Variants in CYP39A1 observed in about 807,000 individuals in gnomAD.
CYP39A1 encodes the protein cytochrome P450 family 39 subfamily A member 1.
Under a neutral mutation model 58.1 loss-of-function variants are expected in CYP39A1, and 49 were observed. The ratio of observed to expected loss-of-function variants is 0.84; its 90% CI spans 0.67 to 1.07. CYP39A1 has a LOEUF of 1.07. Ranked by LOEUF, CYP39A1 falls within the 50% of genes least tolerant of loss-of-function variation. CYP39A1 has a pLI of 0.00. For missense variants in CYP39A1, 531 were observed against 539.4 expected (o/e 0.98, Z 0.16); for synonymous variants, 209 against 187.6 (o/e 1.11, Z -0.93).
intron 6 of CYP39A1, among the ~76,000 whole-genome samples, chr6:46,628,421 A>T (rs916259481): frequency 6.6e-6 from 1 of 152,216 alleles, no homozygotes; most frequent in African/African-American, 2.4e-5. Context: ...TGCAGCAGAT[A>T]AAAAAGGTAA....
Position 46,623,630 on chromosome 6 carries a change from C to G in CYP39A1, c.931+1788G>C, listed in dbSNP as rs1015635737. On this transcript the variant is annotated intron_variant, in intron 7 of 11. Coordinates refer to ENST00000275016, the MANE Select transcript of CYP39A1 (RefSeq NM_016593.5). The stretch of plus-strand genomic sequence containing the variant: ...ATAATAAATGTCTTTTGAGTTTTCT[C>G]TCTCTCTTTATCTATGTATCTATTT... Among the ~76,000 whole-genome samples, 8 of 152,234 alleles carry G rather than the reference C, an allele frequency of 5.3e-5. No homozygotes were observed. The East Asian group carries it at 5.8e-4, about 11-fold the overall frequency.
intron 10 of CYP39A1, among the ~76,000 whole-genome samples, chr6:46,554,496 T>C (rs1770568785): frequency 6.6e-6 from 1 of 152,226 alleles, no homozygotes; most frequent in Admixed American, 6.5e-5. Context: ...TCACACACTC[T>C]TGATAATAAA....
intron 7 of CYP39A1, among the ~76,000 whole-genome samples, chr6:46,616,051 CTT>C (rs1774523842): frequency 8.0e-6 from 1 of 124,760 alleles, no homozygotes; most frequent in Admixed American, 9.2e-5. Context: ...TCTTTCTTTT[CTT>C]TTCTTTTCTC....
chr6:46,629,280 T>G (rs889355080), intron 6 of CYP39A1, among the ~76,000 whole-genome samples: 1 of 152,202 alleles, frequency 6.6e-6, no homozygotes, highest in Non-Finnish European at 1.5e-5. Flanking sequence ...CAATGGGGCT[T>G]TGTGTGTCTT....
intron 7 of CYP39A1, among the ~76,000 whole-genome samples, chr6:46,621,469 G>A (rs1774948953): frequency 6.6e-6 from 1 of 152,086 alleles, no homozygotes; most frequent in Admixed American, 6.6e-5. Context: ...ACTAAAATCA[G>A]GAATGAAATA....
At chr6:46,558,600 A>G (rs958170834) in intron 10 of CYP39A1, among the ~76,000 whole-genome samples, 1 of 152,164 alleles carries the variant, frequency 6.6e-6, no homozygotes, top group Admixed American at 6.5e-5. Context: ...TGTTCTTTCT[A>G]ATAATGCACT....
intron 10 of CYP39A1, among the ~76,000 whole-genome samples, chr6:46,567,548 G>A (rs191345388): frequency 6.6e-6 from 1 of 152,052 alleles, no homozygotes; most frequent in African/African-American, 2.4e-5. Context: ...CTGCCATACC[G>A]TTTTCCATAG....
intron 7 of CYP39A1, among the ~76,000 whole-genome samples, chr6:46,616,268 C>T (rs1177047466): frequency 8.9e-6 from 1 of 112,698 alleles, no homozygotes; most frequent in Admixed American, 1.0e-4. Context: ...TTCTTCCTTC[C>T]TTCCTTCCTT....
chr6:46,555,654 T>A (rs1023663470), intron 10 of CYP39A1, among the ~76,000 whole-genome samples: 7 of 152,226 alleles, frequency 4.6e-5, no homozygotes, highest in African/African-American at 1.4e-4. Flanking sequence ...CCTTATAGAC[T>A]ACAGCCTTCA....
intron 10 of CYP39A1, among the ~76,000 whole-genome samples, chr6:46,565,422 A>G (rs1365881092): frequency 6.6e-6 from 1 of 152,106 alleles, no homozygotes; most frequent in Non-Finnish European, 1.5e-5. Flanking sequence ...TAGAAAAAAA[A>G]GAACAAAATG....
At chr6:46,630,137 A>C (rs112734462) in intron 6 of CYP39A1, among the ~76,000 whole-genome samples, 5,964 of 151,806 alleles carry the variant, frequency 0.039, 133 homozygotes, top group Middle Eastern at 0.088. Context: ...CAACAAAAAA[A>C]CCCACAAAAA....
At chr6:46,565,627 A>G (rs1266265160) in intron 10 of CYP39A1, among the ~76,000 whole-genome samples, 1 of 152,178 alleles carries the variant, frequency 6.6e-6, no homozygotes, top group East Asian at 1.9e-4. Flanking sequence ...CCCAGGATGA[A>G]GGTCATGTAA....
chr6:46,552,907 G>A (rs575801351), intron 11 of CYP39A1, among the ~76,000 whole-genome samples: 12 of 152,074 alleles, frequency 7.9e-5, no homozygotes, highest in African/African-American at 2.9e-4. Context: ...AATTAGCCAG[G>A]CATGGTGGTG....
At chr6:46,583,773 C>G (rs986912459) in intron 10 of CYP39A1, among the ~76,000 whole-genome samples, 3 of 152,132 alleles carry the variant, frequency 2.0e-5, no homozygotes, top group South Asian at 4.1e-4. Flanking sequence ...TATCCCATGG[C>G]AGCACCGAGT....
At position 46,549,780 on chromosome 6, in the gene CYP39A1, G is replaced by A. The variant is rs1395506510; in HGVS notation, c.*586C>T. 1 of 152,136 alleles carries A rather than the reference G, an allele frequency of 6.6e-6. No homozygotes were observed. Among genetic ancestry groups the A allele is most frequent in the African/African-American group, 2.4e-5 (1 of 41,420 alleles). The allele number at this position is 152,136 out of a possible 1,614,324, so 9.4% of individuals were successfully genotyped here. A position where few individuals can be genotyped will look rare whatever the true frequency, so the allele number is the denominator to read the frequency against. Reference sequence around the variant, plus strand: ...CCTGAGCATAATAAAGTGTAGAAATGAATGTAAGACACCATTCCTGTCCTC... The same window carrying A: ...CCTGAGCATAATAAAGTGTAGAAATAAATGTAAGACACCATTCCTGTCCTC... On this transcript the variant is annotated 3_prime_UTR_variant, in exon 12 of 12. Transcript: ENST00000275016.
At chr6:46,607,863 T>G (rs1773944685) in intron 7 of CYP39A1, among the ~76,000 whole-genome samples, 1 of 152,222 alleles carries the variant, frequency 6.6e-6, no homozygotes, top group South Asian at 2.1e-4. Flanking sequence ...AAGCATGAAT[T>G]CTCAGTGCTG....
chr6:46,567,752 G>A (rs150711025), intron 10 of CYP39A1, among the ~76,000 whole-genome samples: 1 of 152,166 alleles, frequency 6.6e-6, no homozygotes, highest in East Asian at 1.9e-4. Context: ...GCAATTCAGG[G>A]CACACACACA....
chr6:46,615,026 A>G lies in CYP39A1; in HGVS notation c.931+10392T>C, dbSNP rs142380205. ...TCTTTATTTCAGTAACTCTTGATTC[A>G]AAGTCTTGGGTTGGTAGATCTGAAT... On this transcript the variant is annotated intron_variant, in intron 7 of 11. Coordinates refer to ENST00000275016, the MANE Select transcript of CYP39A1 (RefSeq NM_016593.5). Among the ~76,000 whole-genome samples, 312 of 152,216 alleles carry G rather than the reference A, an allele frequency of 2.0e-3. 2 individuals carry two copies. The highest frequency in any genetic ancestry group is 7.4e-3 in the African/African-American group (306 of 41,538).
intron 10 of CYP39A1, among the ~76,000 whole-genome samples, chr6:46,562,962 T>C (rs2150485342): frequency 6.6e-6 from 1 of 152,092 alleles, no homozygotes; most frequent in South Asian, 2.1e-4. Context: ...AGTTATTAAA[T>C]TAATAACTAG....
Sources: allele counts gnomAD v4.1 joint callset (sites outside exome capture counted in the v4.1 genomes callset), GRCh38; gene constraint gnomAD v4.1.1; transcripts MANE v1.5; gene names NCBI Gene and HGNC (gene_info 2026-07-23, HGNC 2026-07-21).